Variants in APBA3 observed in about 807,000 individuals in gnomAD.
APBA3 encodes the protein amyloid beta precursor protein binding family A member 3.
In APBA3, 45 loss-of-function variants were observed where a neutral mutation model predicts 55.9. The observed-to-expected ratio is 0.80, with a 90% confidence interval of 0.63 to 1.03. The LOEUF (loss-of-function observed/expected upper bound fraction) is 1.03, where lower values mean the gene tolerates loss of function less well. Ranked by LOEUF, APBA3 falls within the 50% of genes least tolerant of loss-of-function variation. The pLI, the probability that APBA3 is intolerant of heterozygous loss-of-function variation, is 0.00. For missense variants in APBA3, 865 were observed against 820.3 expected (o/e 1.05, Z -0.67); for synonymous variants, 370 against 353.3 (o/e 1.05, Z -0.53).
chr19:3,759,910 C>G lies in APBA3; in HGVS notation c.355G>C (p.Glu119Gln). 6.2e-7 allele frequency: 1 copy of G among 1,611,626 alleles called. No individual in the cohort carries two copies. The highest frequency in any genetic ancestry group is 8.5e-7 in the Non-Finnish European group (1 of 1,179,518). ...RDDLLGLLHCEECPPSQTGPE... is the reference protein window; with the variant it reads ...RDDLLGLLHCQECPPSQTGPE... ...CCAGTCTGGGAAGGCGGGCATTCCTCGCAGTGCAAGAGGCCCAGCAGGTCA... is the reference window on the plus strand; with the variant it reads ...CCAGTCTGGGAAGGCGGGCATTCCTGGCAGTGCAAGAGGCCCAGCAGGTCA... The change falls in exon 2 of 11, where the codon GAG becomes CAG. Residue 119 changes from glutamate to glutamine, a missense_variant. Glu to Gln is a conservative substitution (Grantham distance 29, BLOSUM62 2). Coordinates refer to ENST00000316757, the MANE Select transcript of APBA3 (RefSeq NM_004886.4).
rs2036987594 is a variant in APBA3, at chr19:3,750,920, A to G, written c.*106T>C. 2 of 1,303,122 alleles carry G rather than the reference A, an allele frequency of 1.5e-6. No individual in the cohort carries two copies. The highest frequency in any genetic ancestry group is 2.2e-6 in the Non-Finnish European group (2 of 921,918). The allele number at this position is 1,303,122 out of a possible 1,614,324, so 80.7% of individuals were successfully genotyped here. On this transcript the variant is annotated 3_prime_UTR_variant, in exon 11 of 11. Transcript: ENST00000316757. The stretch of plus-strand genomic sequence containing the variant: ...TTTACTGTTTTTATATTAGGAAATC[A>G]TACAGGACCAAGAACCGCTGGGGTC...
chr19:3,752,106 C>G (rs1342122649), intron 8 of APBA3, among the ~76,000 whole-genome samples: 1 of 152,132 alleles, frequency 6.6e-6, no homozygotes, highest in Non-Finnish European at 1.5e-5. Context: ...CCCAGCTACT[C>G]GGGAGGCTGA....
In APBA3 at chr19:3,754,342, T is replaced by A. The variant is rs1388881636; in HGVS notation, c.617-2A>T. ...CTTCATGGTCACAGGGACCAGGCAC[T>A]GAGGGCGACAGCGAAGAGGGTCGGC... On this transcript the variant is annotated splice_acceptor_variant, in intron 3 of 10. Transcript: ENST00000316757. LOFTEE classifies it high-confidence loss of function. 1 of 1,557,198 alleles carries A rather than the reference T, an allele frequency of 6.4e-7. No homozygotes were observed. The highest frequency in any genetic ancestry group is 1.2e-5 in the South Asian group (1 of 83,956).
intron 3 of APBA3, chr19:3,756,123 C>T (rs1021590037): frequency 6.6e-6 from 1 of 152,106 alleles, no homozygotes; most frequent in Non-Finnish European, 1.5e-5. Flanking sequence ...TGAAATGTGG[C>T]TCGACTGAAT....
intron 6 of APBA3, chr19:3,753,234 C>T (rs921282197): frequency 2.8e-5 from 16 of 565,250 alleles, no homozygotes; most frequent in East Asian, 5.9e-5. Flanking sequence ...CAGCTCCCTG[C>T]GCATGGGCTG....
At position 3,751,387 on chromosome 19, in the gene APBA3, A is replaced by G. The variant is rs1386141435; in HGVS notation, c.1515+47T>C. On this transcript the variant is annotated intron_variant, in intron 9 of 10. Transcript: ENST00000316757. ...TGGGGGCTGCTCAGGGGCCGTGCTC[A>G]GGGCCGCCCTACCCCCCCACCCCGG... 4 of 1,513,586 alleles carry G rather than the reference A, an allele frequency of 2.6e-6. No individual in the cohort carries two copies. In the African/African-American group the frequency reaches 5.5e-5, roughly 21 times the overall value. The allele number at this position is 1,513,586 out of a possible 1,614,324, so 93.8% of individuals were successfully genotyped here.
At position 3,752,612 on chromosome 19, in the gene APBA3, G is replaced by T; in HGVS notation, c.1291C>A (p.Pro431Thr). The T allele has an allele frequency of 1.9e-6, 3 of 1,586,060 alleles. No homozygotes were observed. The highest frequency in any genetic ancestry group is 1.7e-6 in the Non-Finnish European group (2 of 1,171,740). The stretch of plus-strand genomic sequence containing the variant: ...CTGAGGGCCCCCGAGCGCTCAGCAG[G>T]CCCCCCGTGCAGCAGGTTGGCGATG... ...AVIANLLHGG[P>T]AERSGALSIG... Residue 431 changes from proline (P) to threonine (T), a missense_variant, in exon 8 of 11, where the codon CCT becomes ACT. By Grantham distance (38) the Pro-to-Thr change is conservative (BLOSUM62 -1). Coordinates refer to ENST00000316757, the MANE Select transcript of APBA3 (RefSeq NM_004886.4).
chr19:3,752,489 G>A lies in APBA3; in HGVS notation c.1395+19C>T, dbSNP rs775750114. The A allele has an allele frequency of 6.5e-7, 1 of 1,549,094 alleles. No homozygotes were observed. The highest frequency in any genetic ancestry group is 1.2e-5 in the South Asian group (1 of 84,582). On this transcript the variant is annotated intron_variant, in intron 8 of 10. Transcript: ENST00000316757. ...CCCTTCCTGGGAGTGTGGGGGCCCT[G>A]CCACACCAGGAAACTCACGCGGACA...
At chr19:3,753,457 G>C in intron 6 of APBA3, 1 of 382,780 alleles carries the variant, frequency 2.6e-6, no homozygotes, top group Non-Finnish European at 4.7e-6. Flanking sequence ...GTGTTCACCT[G>C]GGCAACAGAG....
chr19:3,751,164 T>TGGCCACC, intron 10 of APBA3, 25 bp downstream of exon 10: 8 of 1,554,060 alleles, frequency 5.1e-6, no homozygotes, highest in Non-Finnish European at 7.0e-6. Flanking sequence ...GGGGCGCCCC[T>TGGCCACC]GGCCACCACC....
Position 3,753,957 on chromosome 19 carries a change from G to A in APBA3, c.850-31C>T, listed in dbSNP as rs1050093519. ...GCGGGAGAGGCAGCCTGGGTGGGTTGGGGGGCCGTGCCAGGCTCGATCACC... is the reference window on the plus strand; with the variant it reads ...GCGGGAGAGGCAGCCTGGGTGGGTTAGGGGGCCGTGCCAGGCTCGATCACC... On this transcript the variant is annotated intron_variant, in intron 5 of 10. Coordinates refer to ENST00000316757, the MANE Select transcript of APBA3 (RefSeq NM_004886.4). The A allele has an allele frequency of 3.8e-6, 6 of 1,561,376 alleles. No homozygotes were observed. The African/African-American group carries it at 6.8e-5, about 18-fold the overall frequency.
In APBA3 at chr19:3,754,279, C is replaced by T; in HGVS notation, c.678G>A (p.Leu226=). ...LDGVIFGARY[L]GSTQLVSERN... is the part of the protein sequence containing the mutation. ...GTTCCGACACCAGCTGGGTGGACCC[C>T]AGGTACCTGGCCCCAAATATGACAC... Residue 226 remains leucine, a synonymous_variant, in exon 4 of 11, where the codon CTG becomes CTA. Coordinates refer to ENST00000316757, the MANE Select transcript of APBA3 (RefSeq NM_004886.4). 1 of 1,551,456 alleles carries T rather than the reference C, an allele frequency of 6.4e-7. No homozygotes were observed. Among genetic ancestry groups the T allele is most frequent in the East Asian group, 2.4e-5 (1 of 41,324 alleles).
At chr19:3,753,465 G>C (rs913851197) in intron 6 of APBA3, 17 of 402,824 alleles carry the variant, frequency 4.2e-5, no homozygotes, top group Admixed American at 1.2e-4. Context: ...CTGGGCAACA[G>C]AGCGAGACCG....
In APBA3 at chr19:3,751,712, G is replaced by A. The variant is rs938727365; in HGVS notation, c.1396-159C>T. 4.7e-6 allele frequency: 4 copies of A among 860,008 alleles called. No homozygotes were observed. In the African/African-American group the frequency reaches 5.2e-5, roughly 11 times the overall value. 53.3% of individuals were successfully genotyped at this position (860,008 alleles called of 1,614,324 possible). ...CAGATGTGATAGAGAACAGACTCGGGCCCGGTGGGCATGGGGTCGAAGCTG... is the reference window on the plus strand; with the variant it reads ...CAGATGTGATAGAGAACAGACTCGGACCCGGTGGGCATGGGGTCGAAGCTG... On this transcript the variant is annotated intron_variant, in intron 8 of 10. Coordinates refer to ENST00000316757, the MANE Select transcript of APBA3 (RefSeq NM_004886.4).
chr19:3,751,517 C>G lies in APBA3; in HGVS notation c.1432G>C (p.Val478Leu). The change falls in exon 9 of 11, where the codon GTC (valine) becomes CTC (leucine). Residue 478 changes from valine (V) to leucine (L), a missense_variant. By Grantham distance (32) the Val-to-Leu change is conservative. Coordinates refer to ENST00000316757, the MANE Select transcript of APBA3 (RefSeq NM_004886.4). ...KSQTSVTLSI[V>L]HCPPVTTAII... The stretch of plus-strand genomic sequence containing the variant: ...GCGGTGGTGACGGGAGGGCAGTGGA[C>G]GATGCTGAGTGTCACCGACGTCTGC... 1.9e-6 allele frequency: 3 copies of G among 1,588,820 alleles called. No individual in the cohort carries two copies. Among genetic ancestry groups the G allele is most frequent in the Non-Finnish European group, 2.6e-6 (3 of 1,170,822 alleles).
At position 3,754,041 on chromosome 19, in the gene APBA3, T is replaced by G. The variant is rs3746119; in HGVS notation, c.827A>C (p.Lys276Thr). Residue 276 changes from lysine to threonine, a missense_variant, in exon 5 of 11, where the codon AAG becomes ACG. Lys to Thr is a moderately conservative substitution (Grantham distance 78). Transcript: ENST00000316757. ...VDLFVSTKRIKVLTADSQEAM... is the reference protein window; with the variant it reads ...VDLFVSTKRITVLTADSQEAM... ...TACCTGGGAGTCCGCTGTCAAGACC[T>G]TGATCCTCTTGGTGGAGACGAACAG... 5.5e-4 allele frequency: 884 copies of G among 1,610,954 alleles called. No individual in the cohort carries two copies. Among genetic ancestry groups the G allele is most frequent in the East Asian group, 4.3e-3 (192 of 44,788 alleles).
rs1014942242 is a variant in APBA3 at position 3,754,346 on chromosome 19, G to A, written c.617-6C>T. 7.1e-6 allele frequency: 11 copies of A among 1,556,534 alleles called. No individual in the cohort carries two copies. Among genetic ancestry groups the A allele is most frequent in the Admixed American group, 2.0e-5 (1 of 49,190 alleles). Reference sequence around the variant, plus strand: ...ATGGTCACAGGGACCAGGCACTGAGGGCGACAGCGAAGAGGGTCGGCCCCC... The same window carrying A: ...ATGGTCACAGGGACCAGGCACTGAGAGCGACAGCGAAGAGGGTCGGCCCCC... On this transcript the variant is annotated splice_polypyrimidine_tract_variant and splice_region_variant and intron_variant, in intron 3 of 10. Transcript: ENST00000316757.
chr19:3,759,657 C>T (rs769973173), intron 2 of APBA3, 32 bp downstream of exon 2: 4 of 1,610,014 alleles, frequency 2.5e-6, no homozygotes, highest in Non-Finnish European at 3.4e-6. Flanking sequence ...TCCAGGCAGT[C>T]CAGGATGCCT....
At position 3,759,616 on chromosome 19, in the gene APBA3, G is replaced by C. The variant is rs2037119198; in HGVS notation, c.577-16C>G. On this transcript the variant is annotated splice_polypyrimidine_tract_variant and intron_variant, in intron 2 of 10. Coordinates refer to ENST00000316757, the MANE Select transcript of APBA3 (RefSeq NM_004886.4). The stretch of plus-strand genomic sequence containing the variant: ...TCTCGGGGCTCTGGAAGAAGATAGA[G>C]GAGGGGCAGGACTGAGTCTCCCTGC... The C allele has an allele frequency of 6.2e-7, 1 of 1,601,500 alleles. No homozygotes were observed. Among genetic ancestry groups the C allele is most frequent in the Admixed American group, 1.8e-5 (1 of 56,366 alleles).
Sources: gnomAD v4.1 joint callset for allele counts (sites outside exome capture counted in the v4.1 genomes callset) on GRCh38, gnomAD v4.1.1 for gene constraint, MANE v1.5 for transcripts, NCBI Gene and HGNC (gene_info 2026-07-23, HGNC 2026-07-21) for gene names.